Variants in HTRA3 observed in about 807,000 individuals in gnomAD.
HTRA3 encodes the protein serine protease HTRA3.
HTRA3 carries 41 observed loss-of-function variants against 43.2 expected under a neutral mutation model. The observed-to-expected ratio is 0.95, with a 90% CI of 0.74 to 1.23. The LOEUF (loss-of-function observed/expected upper bound fraction) is 1.23, where lower values mean the gene tolerates loss of function less well. Among genes scored for constraint, HTRA3 ranks in the 50% most tolerant of loss-of-function variants. HTRA3 has a pLI of 0.00. For synonymous variants in HTRA3, 295 were observed against 287.9 expected (o/e 1.02, Z -0.25); for missense variants, 628 against 647.1 (o/e 0.97, Z 0.32).
intron 7 of HTRA3, among the ~76,000 whole-genome samples, chr4:8,303,842 A>G (rs1713743816): frequency 2.0e-5 from 3 of 151,924 alleles, no homozygotes; most frequent in African/African-American, 7.3e-5. Context: ...TCCATGACTC[A>G]GCATTGCCTG....
At chr4:8,283,955 G>A (rs1288220219) in intron 2 of HTRA3, among the ~76,000 whole-genome samples, 16 of 152,180 alleles carry the variant, frequency 1.1e-4, no homozygotes, top group Admixed American at 1.0e-3. Context: ...TAGGCGTCAC[G>A]GCCCCTCTGC....
rs1204453048 is a variant in HTRA3, at chr4:8,291,312, C to T, written c.709-58C>T. On this transcript the variant is annotated intron_variant, in intron 3 of 8. Transcript: ENST00000307358. ...CCCCTGCCAGGATCTGACTCCGGTC[C>T]CCGCTGAAGGTAGACGGCTAAGCCT... is the stretch of plus-strand genomic sequence containing the variant. 5 of 1,469,690 alleles carry T rather than the reference C, an allele frequency of 3.4e-6. No homozygotes were observed. The Admixed American group carries it at 6.7e-5, about 20-fold the overall frequency. The allele number at this position is 1,469,690 out of a possible 1,614,324, so 91.0% of individuals were successfully genotyped here. A position where few individuals can be genotyped will look rare whatever the true frequency, so the allele number is the denominator to read the frequency against.
rs994400650 is a variant in HTRA3, at chr4:8,270,036, C to T, written c.68C>T (p.Ala23Val). Residue 23 changes from alanine to valine, a missense_variant, in exon 1 of 9, where the codon GCG (alanine) becomes GTG (valine). Physicochemically the swap from Ala to Val is moderately conservative, Grantham distance 64. Transcript: ENST00000307358. ...GCGCTGGCCCGGGAGCCCCCTGCGGCGCCGTGTCCCGCGCGCTGCGACGTG... is the reference window on the plus strand; with the variant it reads ...GCGCTGGCCCGGGAGCCCCCTGCGGTGCCGTGTCCCGCGCGCTGCGACGTG... ...ALALAREPPAAPCPARCDVSR... is the reference protein window; with the variant it reads ...ALALAREPPAVPCPARCDVSR... 2.2e-6 allele frequency: 3 copies of T among 1,379,820 alleles called. No individual in the cohort carries two copies. The African/African-American group carries it at 4.6e-5, about 21-fold the overall frequency. The allele number at this position is 1,379,820 out of a possible 1,614,324, so 85.5% of individuals were successfully genotyped here.
intron 6 of HTRA3, among the ~76,000 whole-genome samples, chr4:8,299,078 T>C (rs1041044320): frequency 6.6e-6 from 1 of 152,200 alleles, no homozygotes; most frequent in African/African-American, 2.4e-5. Context: ...TTTGGGGAAA[T>C]TTGGCATTTT....
At chr4:8,305,581 C>T (rs1388226032) in intron 8 of HTRA3, among the ~76,000 whole-genome samples, 1 of 152,216 alleles carries the variant, frequency 6.6e-6, no homozygotes, top group African/African-American at 2.4e-5. Flanking sequence ...GCTCTGCCTC[C>T]CACATAGACG....
intron 2 of HTRA3, among the ~76,000 whole-genome samples, chr4:8,283,573 G>T (rs926112915): frequency 6.6e-6 from 1 of 152,250 alleles, no homozygotes; most frequent in Non-Finnish European, 1.5e-5. Flanking sequence ...AGTTTAGAGT[G>T]TTTCTCCCAT....
intron 1 of HTRA3, among the ~76,000 whole-genome samples, chr4:8,280,193 A>T (rs1055857343): frequency 5.3e-5 from 8 of 152,042 alleles, no homozygotes; most frequent in African/African-American, 1.9e-4. Flanking sequence ...ATATGGTCCC[A>T]CCTGGGGGCT....
intron 4 of HTRA3, 39 bp from the exon 5 acceptor site, chr4:8,292,282 G>A (rs746020679): frequency 7.5e-6 from 12 of 1,599,242 alleles, no homozygotes; most frequent in East Asian, 4.5e-5. Flanking sequence ...AGCCTCAGGC[G>A]GGGTCAGGCA....
At chr4:8,272,925 G>A (rs1178362966) in intron 1 of HTRA3, among the ~76,000 whole-genome samples, 4 of 152,240 alleles carry the variant, frequency 2.6e-5, no homozygotes, top group African/African-American at 9.6e-5. Flanking sequence ...ACTGTAGCCC[G>A]GTGCACGGGG....
intron 6 of HTRA3, among the ~76,000 whole-genome samples, chr4:8,301,347 T>C (rs567428233): frequency 1.8e-4 from 28 of 152,226 alleles, no homozygotes; most frequent in African/African-American, 6.5e-4. Context: ...CTCTCAGCTT[T>C]ATTATTGATT....
At chr4:8,282,091 G>C (rs1220893889) in intron 1 of HTRA3, among the ~76,000 whole-genome samples, 2 of 152,196 alleles carry the variant, frequency 1.3e-5, no homozygotes, top group Non-Finnish European at 2.9e-5. Flanking sequence ...ACTAACCCGA[G>C]ATCCAGCCCT....
intron 8 of HTRA3, among the ~76,000 whole-genome samples, chr4:8,305,450 A>G (rs1422687009): frequency 6.6e-6 from 1 of 152,230 alleles, no homozygotes; most frequent in Admixed American, 6.5e-5. Flanking sequence ...CAGGTCACAC[A>G]GCTGGCATGT....
intron 2 of HTRA3, among the ~76,000 whole-genome samples, chr4:8,285,436 G>A (rs1712917539): frequency 1.3e-5 from 2 of 152,208 alleles, no homozygotes; most frequent in African/African-American, 4.8e-5. Flanking sequence ...GCACGTGCCA[G>A]ACGCTCCCAT....
intron 3 of HTRA3, among the ~76,000 whole-genome samples, chr4:8,290,793 A>C (rs919065912): frequency 6.6e-6 from 1 of 152,192 alleles, no homozygotes; most frequent in African/African-American, 2.4e-5. Context: ...AAAGCAGAAG[A>C]GGGGTGTGCA....
chr4:8,288,943 T>TCC (rs1280931815), intron 3 of HTRA3, among the ~76,000 whole-genome samples: 4 of 132,922 alleles, frequency 3.0e-5, no homozygotes, highest in African/African-American at 1.2e-4. Context: ...CCTCCCTTCC[T>TCC]CCCCCTCTCT....
rs528111477 is a variant in HTRA3, at chr4:8,303,849, C to A, written c.1101-335C>A. On this transcript the variant is annotated intron_variant, in intron 7 of 8. Coordinates refer to ENST00000307358, the MANE Select transcript of HTRA3 (RefSeq NM_053044.5). ...CTGTCCATTCCATGACTCAGCATTG[C>A]CTGTCTGTCCATTTCTCCTTCTATC... Among the ~76,000 whole-genome samples, 4 of 152,168 alleles carry A rather than the reference C, an allele frequency of 2.6e-5. No homozygotes were observed. In the East Asian group the frequency reaches 7.7e-4, roughly 29 times the overall value.
intron 8 of HTRA3, among the ~76,000 whole-genome samples, chr4:8,305,056 C>T (rs1054242452): frequency 5.3e-5 from 8 of 152,206 alleles, no homozygotes; most frequent in Non-Finnish European, 1.2e-4. Context: ...AGCGACACTA[C>T]CACATGCTGG....
chr4:8,304,054 G>T (rs4696800), intron 7 of HTRA3, 130 bp from the exon 8 acceptor site: 200,890 of 648,448 alleles, frequency 0.31, 35,429 homozygotes, highest in East Asian at 0.64. Flanking sequence ...CCAGTGGTGG[G>T]ACAGGGCAGT....
At chr4:8,273,262 G>A (rs754849997) in intron 1 of HTRA3, among the ~76,000 whole-genome samples, 2 of 152,208 alleles carry the variant, frequency 1.3e-5, no homozygotes, top group Non-Finnish European at 2.9e-5. Context: ...GGCTCCATCA[G>A]GCTCAGCCTC....
Sources: allele counts gnomAD v4.1 joint callset (sites outside exome capture counted in the v4.1 genomes callset), GRCh38; gene constraint gnomAD v4.1.1; transcripts MANE v1.5; gene names NCBI Gene and HGNC (gene_info 2026-07-23, HGNC 2026-07-21).